NCAM1: variants seen among roughly 807,000 people sequenced by gnomAD.
The protein encoded by NCAM1 is antigen recognized by monoclonal antibody 5.1H11.
NCAM1 carries 14 observed loss-of-function variants against 109.8 expected under a neutral mutation model. That is an observed-to-expected ratio of 0.13 (90% CI 0.08 to 0.20). NCAM1 has a LOEUF of 0.20. Among genes scored for constraint, NCAM1 ranks in the 10% least tolerant of loss-of-function variants. NCAM1 has a pLI of 1.00. For missense variants in NCAM1, 774 were observed against 1,109.9 expected (o/e 0.70, Z 4.30); for synonymous variants, 418 against 442.9 (o/e 0.94, Z 0.70).
At chr11:113,201,220 A>G (rs1270191095) in intron 1 of NCAM1, among the ~76,000 whole-genome samples, 1 of 152,124 alleles carries the variant, frequency 6.6e-6, no homozygotes, top group Non-Finnish European at 1.5e-5. Context: ...GGCTGAGGAC[A>G]ACTGTAGTCT....
At chr11:112,974,726 T>C (rs572483799) in intron 1 of NCAM1, among the ~76,000 whole-genome samples, 25 of 151,988 alleles carry the variant, frequency 1.6e-4, no homozygotes, top group Non-Finnish European at 3.4e-4. Context: ...TCAATCTCTC[T>C]ATTTATAAAA....
chr11:113,260,402 AC>A, intron 17 of NCAM1, 79 bp downstream of exon 17: 1 of 1,446,238 alleles, frequency 6.9e-7, no homozygotes, highest in Non-Finnish European at 9.4e-7. Flanking sequence ...CGCCTGAACA[AC>A]CCTGACAACT....
At chr11:113,187,579 G>GTA (rs1412159435) in intron 1 of NCAM1, among the ~76,000 whole-genome samples, 2 of 151,744 alleles carry the variant, frequency 1.3e-5, no homozygotes, top group Non-Finnish European at 2.9e-5. Flanking sequence ...GTGTGTGTGT[G>GTA]TGTGTGTGTG....
intron 6 of NCAM1, 75 bp from the exon 7 acceptor site, chr11:113,207,758 A>G: frequency 1.0e-5 from 15 of 1,464,986 alleles, no homozygotes; most frequent in African/African-American, 1.4e-5. Context: ...TCTGCATTCT[A>G]TGGAACCTAA....
At chr11:113,112,393 TG>T in intron 1 of NCAM1, among the ~76,000 whole-genome samples, 1 of 152,200 alleles carries the variant, frequency 6.6e-6, no homozygotes, top group South Asian at 2.1e-4. Context: ...TAAAATTGAT[TG>T]TTTTCCTCAT....
rs12274671 is a variant in NCAM1 at position 113,157,614 on chromosome 11, A to G, written c.53-44765A>G. ...TTACTGAGGACCCCAAAGATCTTTT[A>G]TTCTGTCGGCTTTCTGAATCGATGA... is the stretch of plus-strand genomic sequence containing the variant. On this transcript the variant is annotated intron_variant, in intron 1 of 19. Transcript: ENST00000316851. Among the ~76,000 whole-genome samples, 279 of 152,270 alleles carry G rather than the reference A, an allele frequency of 1.8e-3. 1 individual carries two copies. Among genetic ancestry groups the G allele is most frequent in the African/African-American group, 6.2e-3 (258 of 41,558 alleles).
chr11:113,176,375 A>C (rs1440615615), intron 1 of NCAM1, among the ~76,000 whole-genome samples: 1 of 152,210 alleles, frequency 6.6e-6, no homozygotes, highest in Non-Finnish European at 1.5e-5. Context: ...TTCTGCTTTG[A>C]TTGTGGTGAA....
At chr11:113,205,476 T>C in intron 3 of NCAM1, 47 bp from the exon 4 acceptor site, 3 of 1,580,058 alleles carry the variant, frequency 1.9e-6, no homozygotes, top group Non-Finnish European at 1.7e-6. Flanking sequence ...AGGGGTTCTT[T>C]GTGAGAGAAG....
intron 1 of NCAM1, among the ~76,000 whole-genome samples, chr11:113,180,502 G>C (rs1285666509): frequency 1.3e-5 from 2 of 152,210 alleles, no homozygotes; most frequent in African/African-American, 4.8e-5. Context: ...GCATTCTCTG[G>C]AATGATCCTT....
rs1182035324 is a variant in NCAM1, at chr11:113,206,291, A to G, written c.628+111A>G. On this transcript the variant is annotated intron_variant, in intron 5 of 19. Transcript: ENST00000316851. The stretch of plus-strand genomic sequence containing the variant: ...GTAAATTAAATCCTGTCCTGACTCA[A>G]TCATCCGTCTGAGCTAAATCCCCTC... 30 of 1,203,792 alleles carry G rather than the reference A, an allele frequency of 2.5e-5. No homozygotes were observed. In the African/African-American group the frequency reaches 3.0e-4, roughly 12 times the overall value. 74.6% of individuals were successfully genotyped at this position (1,203,792 alleles called of 1,614,324 possible). A position where few individuals can be genotyped will look rare whatever the true frequency, so the allele number is the denominator to read the frequency against.
chr11:113,275,562 A>C lies in NCAM1; in HGVS notation c.*175A>C. 2 of 754,448 alleles carry C rather than the reference A, an allele frequency of 2.7e-6. No homozygotes were observed. The highest frequency in any genetic ancestry group is 2.0e-6 in the Non-Finnish European group (1 of 503,232). The allele number at this position is 754,448 out of a possible 1,614,324, so 46.7% of individuals were successfully genotyped here. A position where few individuals can be genotyped will look rare whatever the true frequency, so the allele number is the denominator to read the frequency against. ...TTAAAAAAAACTAAACAGATAAAAC[A>C]TGGGAATCTCCTTTTTGTAGGTTTA... On this transcript the variant is annotated 3_prime_UTR_variant, in exon 20 of 20. Coordinates refer to ENST00000316851, the MANE Select transcript of NCAM1 (RefSeq NM_181351.5).
intron 15 of NCAM1, among the ~76,000 whole-genome samples, chr11:113,252,036 T>C (rs1165919054): frequency 6.6e-6 from 1 of 152,208 alleles, no homozygotes; most frequent in Non-Finnish European, 1.5e-5. Context: ...TCTTTCCATA[T>C]TTTCATGTAC....
chr11:112,999,090 AT>A (rs1228269959), intron 1 of NCAM1, among the ~76,000 whole-genome samples: 55 of 152,306 alleles, frequency 3.6e-4, no homozygotes, highest in African/African-American at 1.2e-3. Flanking sequence ...GTAAACCATC[AT>A]TTGGTATGAA....
At chr11:113,210,985 G>A (rs1944376556) in intron 7 of NCAM1, among the ~76,000 whole-genome samples, 1 of 152,096 alleles carries the variant, frequency 6.6e-6, no homozygotes. Context: ...CATAGTCTGC[G>A]GAGCGTTCAT....
At chr11:113,047,620 C>T (rs533302504) in intron 1 of NCAM1, among the ~76,000 whole-genome samples, 11 of 152,216 alleles carry the variant, frequency 7.2e-5, no homozygotes, top group East Asian at 3.9e-4. Context: ...TCTATTCTCA[C>T]GCTGCTATAA....
chr11:113,138,715 T>TA (rs1243262264), intron 1 of NCAM1, among the ~76,000 whole-genome samples: 4 of 152,358 alleles, frequency 2.6e-5, no homozygotes, highest in South Asian at 2.1e-4. Context: ...ACAACGGTGA[T>TA]AAAAAATGAC....
intron 1 of NCAM1, among the ~76,000 whole-genome samples, chr11:113,148,597 G>T (rs1322810571): frequency 6.6e-6 from 1 of 152,062 alleles, no homozygotes; most frequent in Admixed American, 6.6e-5. Context: ...TTTTGTTAAC[G>T]TTAGGTAAGG....
intron 1 of NCAM1, among the ~76,000 whole-genome samples, chr11:113,172,137 C>T (rs1199047650): frequency 6.6e-6 from 1 of 152,118 alleles, no homozygotes; most frequent in African/African-American, 2.4e-5. Flanking sequence ...TTCTCTTTAC[C>T]CTGCTCAGTT....
chr11:113,031,679 A>C (rs1283940446), intron 1 of NCAM1, among the ~76,000 whole-genome samples: 1 of 141,046 alleles, frequency 7.1e-6, no homozygotes, highest in Non-Finnish European at 1.5e-5. Context: ...GCAAAGTGAG[A>C]CTGTCTCAAA....
Sources: allele counts gnomAD v4.1 joint callset (sites outside exome capture counted in the v4.1 genomes callset), GRCh38; gene constraint gnomAD v4.1.1; transcripts MANE v1.5; gene names NCBI Gene and HGNC (gene_info 2026-07-23, HGNC 2026-07-21).